The following FGFR1 variants were observed in gnomAD, a reference collection of about 807,000 sequenced individuals.
The protein encoded by FGFR1 is FGFR1/PLAG1 fusion.
FGFR1 carries 18 observed loss-of-function variants against 93.7 expected under a neutral mutation model. The observed-to-expected ratio is 0.19, with a 90% CI of 0.13 to 0.28. FGFR1 has a LOEUF of 0.28. FGFR1 is among the 10% of genes least tolerant of loss of function. FGFR1 has a pLI of 1.00. For missense variants in FGFR1, 731 were observed against 1,080.4 expected, an observed-to-expected ratio of 0.68 and a Z score of 4.53; for synonymous variants, 448 against 429.3, an observed-to-expected ratio of 1.04 and a Z score of -0.54.
intron 2 of FGFR1, among the ~76,000 whole-genome samples, chr8:38,438,230 A>C (rs749539929): frequency 6.6e-6 from 1 of 152,222 alleles, no homozygotes; most frequent in Non-Finnish European, 1.5e-5. Flanking sequence ...AATCTTGTGA[A>C]GTATTTAAGA....
chr8:38,418,402 G>T, intron 9 of FGFR1, 29 bp from the exon 10 acceptor site: 3 of 1,608,770 alleles, frequency 1.9e-6, no homozygotes, highest in African/African-American at 1.3e-5. Flanking sequence ...TCACCCTAGA[G>T]CAAGGAGGGG....
intron 9 of FGFR1, chr8:38,418,806 TG>T: frequency 7.9e-6 from 2 of 251,898 alleles, no homozygotes; most frequent in Non-Finnish European, 1.6e-5. Flanking sequence ...TTTCCTCCCG[TG>T]GGGAAGGGTG....
intron 8 of FGFR1, 173 bp from the exon 9 acceptor site, chr8:38,419,908 C>T: frequency 1.6e-6 from 1 of 615,366 alleles, no homozygotes; most frequent in Non-Finnish European, 2.9e-6. Context: ...TCAGGCAACC[C>T]CCTGATTTTG....
At chr8:38,440,080 A>G (rs1379018021) in intron 2 of FGFR1, among the ~76,000 whole-genome samples, 1 of 152,122 alleles carries the variant, frequency 6.6e-6, no homozygotes, top group Admixed American at 6.6e-5. Flanking sequence ...GAGAAAGGCT[A>G]AACTCCTCAG....
At chr8:38,432,525 G>T (rs1287859796) in intron 2 of FGFR1, among the ~76,000 whole-genome samples, 3 of 150,014 alleles carry the variant, frequency 2.0e-5, no homozygotes, top group Non-Finnish European at 4.4e-5. Context: ...TGATTCTCCT[G>T]CCTCAGCCTC....
intron 1 of FGFR1, chr8:38,465,300 G>A (rs1835262833): frequency 4.3e-6 from 1 of 232,484 alleles, no homozygotes; most frequent in Admixed American, 5.6e-5. Context: ...TTCCCATTGG[G>A]AAAAATACCT....
chr8:38,441,484 A>G (rs1429788400), intron 2 of FGFR1, among the ~76,000 whole-genome samples: 3 of 152,166 alleles, frequency 2.0e-5, no homozygotes, highest in Admixed American at 2.0e-4. Context: ...TTCTCACCCT[A>G]TTGTTTACTG....
chr8:38,451,750 G>A lies in FGFR1; in HGVS notation c.91+5606C>T, dbSNP rs190362455. On this transcript the variant is annotated intron_variant, in intron 2 of 17. Coordinates refer to ENST00000447712, the MANE Select transcript of FGFR1 (RefSeq NM_023110.3). ...CTGAGCTGCAGGTTTTCTGAGCACT[G>A]GGGTGTTTAACCCACAGTACTGCTG... Among the ~76,000 whole-genome samples, 51 of 152,170 alleles carry A rather than the reference G, an allele frequency of 3.4e-4. 1 individual carries two copies. Among genetic ancestry groups the A allele is most frequent in the African/African-American group, 1.1e-3 (46 of 41,498 alleles).
At chr8:38,414,949 G>A in intron 13 of FGFR1, 48 bp from the exon 14 acceptor site, 1 of 1,558,190 alleles carries the variant, frequency 6.4e-7, no homozygotes, top group Non-Finnish European at 8.8e-7. Flanking sequence ...TGAGGGAGCT[G>A]GAAGGCTCTG....
chr8:38,433,642 A>T (rs1824138485), intron 2 of FGFR1, among the ~76,000 whole-genome samples: 1 of 152,198 alleles, frequency 6.6e-6, no homozygotes, highest in Admixed American at 6.5e-5. Context: ...CTTAAAACAA[A>T]ACAAGAAACT....
At chr8:38,459,092 C>T (rs1017823867) in intron 1 of FGFR1, 2 of 229,044 alleles carry the variant, frequency 8.7e-6, no homozygotes, top group Admixed American at 5.7e-5. Context: ...CTTAAAACTC[C>T]CCAGGGTCTT....
Position 38,428,615 on chromosome 8 carries a change from G to A in FGFR1, c.359-180C>T. ...TTAAGAACAGTTCCTGTGCGTGTTTGCTTCCTTCCCCGAAGCACTGCCCCC... is the reference window on the plus strand; with the variant it reads ...TTAAGAACAGTTCCTGTGCGTGTTTACTTCCTTCCCCGAAGCACTGCCCCC... On this transcript the variant is annotated intron_variant, in intron 3 of 17. Transcript: ENST00000447712. The A allele has an allele frequency of 2.1e-5, 13 of 626,150 alleles. 1 individual carries two copies. In the South Asian group the frequency reaches 2.3e-4, roughly 11 times the overall value. The allele number at this position is 626,150 out of a possible 1,614,324, so 38.8% of individuals were successfully genotyped here. A position where few individuals can be genotyped will look rare whatever the true frequency, so the allele number is the denominator to read the frequency against.
chr8:38,427,502 A>T lies in FGFR1; in HGVS notation c.621+419T>A, dbSNP rs963989234. 2.0e-4 allele frequency among the ~76,000 whole-genome samples: 30 copies of T among 152,186 alleles called. 1 individual carries two copies. Among genetic ancestry groups the T allele is most frequent in the African/African-American group, 6.8e-4 (28 of 41,446 alleles). ...GCCATGTTGCCCAGGCTGGTCTCGA[A>T]CTCCTGAGCTCAGGCAATCCGCCCA... On this transcript the variant is annotated intron_variant, in intron 5 of 17. Transcript: ENST00000447712.
At chr8:38,449,986 G>C (rs772527109) in intron 2 of FGFR1, among the ~76,000 whole-genome samples, 3 of 152,258 alleles carry the variant, frequency 2.0e-5, no homozygotes, top group Admixed American at 6.5e-5. Flanking sequence ...CTACCGGGGA[G>C]GAGGGGTTAG....
At chr8:38,459,495 C>T (rs926900722) in intron 1 of FGFR1, among the ~76,000 whole-genome samples, 21 of 152,072 alleles carry the variant, frequency 1.4e-4, no homozygotes, top group Admixed American at 9.8e-4. Flanking sequence ...TCTACTTTTA[C>T]GAAAGGAATC....
chr8:38,419,646 C>A lies in FGFR1; in HGVS notation c.1171G>T (p.Val391Leu), dbSNP rs202073071. ...ATCTTGTAGACGATGACCGACCCCA[C>A]CATGCAGGAGATGAGGAAGGCCCCT... ...CTGAFLISCMVGSVIVYKMKS... is the reference protein window; with the variant it reads ...CTGAFLISCMLGSVIVYKMKS... The change falls in exon 9 of 18, where the codon GTG becomes TTG. Residue 391 changes from valine to leucine, a missense_variant. Val to Leu is a conservative substitution (Grantham distance 32). Around this residue, in one of 10 missense-constraint regions of FGFR1, gnomAD observed 146 missense variants for 173.0 expected, o/e 0.84. Transcript: ENST00000447712. 2.5e-6 allele frequency: 4 copies of A among 1,614,142 alleles called. No individual in the cohort carries two copies. The South Asian group carries it at 4.4e-5, about 18-fold the overall frequency.
chr8:38,432,917 C>CCCCCA (rs1180294926), intron 2 of FGFR1, among the ~76,000 whole-genome samples: 1 of 142,502 alleles, frequency 7.0e-6, no homozygotes, highest in African/African-American at 2.6e-5. Context: ...CGCCCCCCCC[C>CCCCCA]CTCCCCAGTT....
rs869229424 is a variant in FGFR1, at chr8:38,429,399, G to GA, written c.358+282dup. 8.7e-6 allele frequency: 6 copies of GA among 690,256 alleles called. No individual in the cohort carries two copies. The highest frequency in any genetic ancestry group is 1.7e-5 in the African/African-American group (1 of 57,664). The allele number at this position is 690,256 out of a possible 1,614,324, so 42.8% of individuals were successfully genotyped here. On this transcript the variant is annotated intron_variant, in intron 3 of 17. Coordinates refer to ENST00000447712, the MANE Select transcript of FGFR1 (RefSeq NM_023110.3). This position sits in a 1 kb window ranked among gnomAD's most constrained non-coding sequence, Gnocchi z 4.4. ...CTGGAGATCTGGGCAAGCTGTGGTG[G>GA]AAAAAAATCACAGGGTCTTAACATC...
chr8:38,465,692 G>A (rs1835339253), intron 1 of FGFR1: 2 of 223,316 alleles, frequency 9.0e-6, no homozygotes, highest in Non-Finnish European at 1.8e-5. Flanking sequence ...GGGCGTGGGG[G>A]TGATTACCCA....
Sources: gnomAD v4.1 joint callset for allele counts (sites outside exome capture counted in the v4.1 genomes callset) on GRCh38, gnomAD v4.1.1 for gene constraint, gnomAD v4.1.1 regional missense constraint, Gnocchi (gnomAD v3.1) non-coding constraint, MANE v1.5 for transcripts, NCBI Gene and HGNC (gene_info 2026-07-23, HGNC 2026-07-21) for gene names.